RASAL2: variants seen among roughly 807,000 people sequenced by gnomAD.
The protein encoded by RASAL2 is ras GTPase-activating protein nGAP.
Under a neutral mutation model 128.9 loss-of-function variants are expected in RASAL2, and 58 were observed. The ratio of observed to expected loss-of-function variants is 0.45; its 90% confidence interval spans 0.36 to 0.56. RASAL2 has a LOEUF of 0.56. Ranked by LOEUF, RASAL2 falls within the 20% of genes least tolerant of loss-of-function variation. RASAL2 has a pLI of 0.00. For synonymous variants in RASAL2, 561 were observed against 580.8 expected, an observed-to-expected ratio of 0.97 and a Z score of 0.49; for missense variants, 1,360 against 1,601.6, an observed-to-expected ratio of 0.85 and a Z score of 2.57.
chr1:178,176,427 C>G (rs538206240), intron 1 of RASAL2, among the ~76,000 whole-genome samples: 1 of 147,338 alleles, frequency 6.8e-6, no homozygotes, highest in African/African-American at 2.5e-5. Context: ...CTTGCTGATT[C>G]AAGTTGTTTG....
At position 178,262,160 on chromosome 1, in the gene RASAL2, C is replaced by G. The variant is rs1323537219; in HGVS notation, c.203-21404C>G. 2.0e-5 allele frequency among the ~76,000 whole-genome samples: 3 copies of G among 151,338 alleles called. No homozygotes were observed. In the East Asian group the frequency reaches 5.8e-4, roughly 29 times the overall value. ...AGGAATTATTAGCAAAATCAGTATC[C>G]TTTCTCTGCTGAAAACAGTGACTAA... On this transcript the variant is annotated intron_variant, in intron 1 of 17. Coordinates refer to ENST00000367649, the MANE Select transcript of RASAL2 (RefSeq NM_170692.4).
chr1:178,443,250 G>GC, intron 8 of RASAL2, 21 bp downstream of exon 8: 1 of 1,561,242 alleles, frequency 6.4e-7, no homozygotes, highest in Non-Finnish European at 8.8e-7. Flanking sequence ...AAGGGGGATT[G>GC]CAGTACCTGA....
chr1:178,126,317 A>AT (rs1659899295), intron 1 of RASAL2, among the ~76,000 whole-genome samples: 1 of 152,294 alleles, frequency 6.6e-6, no homozygotes, highest in South Asian at 2.1e-4. Flanking sequence ...TATAATGTAT[A>AT]TTTTTTAAGA....
intron 4 of RASAL2, among the ~76,000 whole-genome samples, chr1:178,394,188 T>G (rs1330064350): frequency 6.6e-6 from 1 of 152,230 alleles, no homozygotes; most frequent in Non-Finnish European, 1.5e-5. Flanking sequence ...TATGTATAAA[T>G]TCACAATGTT....
At chr1:178,370,990 A>G (rs1488861208) in intron 3 of RASAL2, among the ~76,000 whole-genome samples, 1 of 152,090 alleles carries the variant, frequency 6.6e-6, no homozygotes, top group Admixed American at 6.5e-5. Flanking sequence ...TGTTTTGCTA[A>G]TACAGGGGAA....
chr1:178,221,525 A>G (rs1292619644), intron 1 of RASAL2, among the ~76,000 whole-genome samples: 1 of 152,112 alleles, frequency 6.6e-6, no homozygotes, highest in Non-Finnish European at 1.5e-5. Context: ...GATAACATGT[A>G]CTTGAAAGTG....
In RASAL2 at chr1:178,362,009, A is replaced by T. The variant is rs77379509; in HGVS notation, c.458-28091A>T. On this transcript the variant is annotated intron_variant, in intron 3 of 17. Transcript: ENST00000367649. ...CTGATGCCACCACTGATCTAACAGGAGGTGGCGCTCTGGCGGTAATGCTTG... is the reference window on the plus strand; with the variant it reads ...CTGATGCCACCACTGATCTAACAGGTGGTGGCGCTCTGGCGGTAATGCTTG... 5.5e-3 allele frequency among the ~76,000 whole-genome samples: 840 copies of T among 152,220 alleles called. 8 individuals are homozygous for T. The highest frequency in any genetic ancestry group is 0.019 in the African/African-American group (788 of 41,528).
chr1:178,281,838 C>A (rs1557874918), intron 1 of RASAL2, among the ~76,000 whole-genome samples: 1 of 152,104 alleles, frequency 6.6e-6, no homozygotes, highest in African/African-American at 2.4e-5. Flanking sequence ...TTGTCCAAAT[C>A]ATGTGAAGAA....
intron 1 of RASAL2, among the ~76,000 whole-genome samples, chr1:178,133,296 T>C (rs1660189415): frequency 6.6e-6 from 1 of 152,164 alleles, no homozygotes; most frequent in African/African-American, 2.4e-5. Context: ...ATAAATATTA[T>C]CATGGCATGA....
At chr1:178,213,177 AG>A (rs1182719067) in intron 1 of RASAL2, among the ~76,000 whole-genome samples, 4 of 152,102 alleles carry the variant, frequency 2.6e-5, no homozygotes, top group Non-Finnish European at 5.9e-5. Flanking sequence ...CTGGGACTAC[AG>A]GTGCATGCTA....
At chr1:178,243,602 C>CAAAAA (rs3041601) in intron 1 of RASAL2, among the ~76,000 whole-genome samples, 3,495 of 121,742 alleles carry the variant, frequency 0.029, 50 homozygotes, top group East Asian at 0.094. Context: ...TTGTTGTTAT[C>CAAAAA]AAAAAAAAAA....
chr1:178,458,724 T>C (rs1230293193), intron 14 of RASAL2, among the ~76,000 whole-genome samples, 180 bp downstream of exon 14: 1 of 152,184 alleles, frequency 6.6e-6, no homozygotes, highest in Non-Finnish European at 1.5e-5. Context: ...CTACAGAATG[T>C]AGTTTGACTC....
In RASAL2 at chr1:178,464,841, T is replaced by G. The variant is rs1176842948; in HGVS notation, c.3387+429T>G. Among the ~76,000 whole-genome samples, 52 of 143,724 alleles carry G rather than the reference T, an allele frequency of 3.6e-4. 1 individual carries two copies. Among genetic ancestry groups the G allele is most frequent in the Non-Finnish European group, 6.3e-4 (42 of 66,224 alleles). The allele number at this position is 143,724 out of a possible 152,430, so 94.3% of individuals were successfully genotyped here. On this transcript the variant is annotated intron_variant, in intron 15 of 17. Coordinates refer to ENST00000367649, the MANE Select transcript of RASAL2 (RefSeq NM_170692.4). ...GTTTTGGTTTTAGTTGTTTTTTTTT[T>G]TTTTTTTTTTTTTTTGCCTTTTCTG...
intron 14 of RASAL2, 66 bp downstream of exon 14, chr1:178,458,610 A>G: frequency 3.4e-6 from 5 of 1,491,370 alleles, no homozygotes; most frequent in Non-Finnish European, 4.5e-6. Context: ...TTCTTTATAC[A>G]TAAATCATTG....
chr1:178,271,954 A>C (rs1051194009), intron 1 of RASAL2, among the ~76,000 whole-genome samples: 1 of 152,144 alleles, frequency 6.6e-6, no homozygotes, highest in Non-Finnish European at 1.5e-5. Flanking sequence ...TCTGTGGTTC[A>C]TTTGTCTGAA....
chr1:178,309,922 G>A (rs1668159285), intron 3 of RASAL2, among the ~76,000 whole-genome samples: 1 of 152,108 alleles, frequency 6.6e-6, no homozygotes, highest in African/African-American at 2.4e-5. Flanking sequence ...TGTTGGGTGT[G>A]GCTAATAACA....
In RASAL2 at chr1:178,416,262, G is replaced by T. The variant is rs572589793; in HGVS notation, c.565-4249G>T. Among the ~76,000 whole-genome samples, 23 of 151,998 alleles carry T rather than the reference G, an allele frequency of 1.5e-4. No individual in the cohort carries two copies. The South Asian group carries it at 4.4e-3, about 29-fold the overall frequency. The stretch of plus-strand genomic sequence containing the variant: ...AAATTTAGTGGTTTCCCTAGAATTT[G>T]CAGTTTTTTAAATGTATAACTAATG... On this transcript the variant is annotated intron_variant, in intron 4 of 17. Transcript: ENST00000367649.
At chr1:178,183,621 A>G (rs1294428800) in intron 1 of RASAL2, among the ~76,000 whole-genome samples, 1 of 152,198 alleles carries the variant, frequency 6.6e-6, no homozygotes, top group Non-Finnish European at 1.5e-5. Flanking sequence ...CCTTTCATGT[A>G]GTAATATGCC....
intron 1 of RASAL2, among the ~76,000 whole-genome samples, chr1:178,180,497 A>AAAAAAAAAAAAAC (rs1662059669): frequency 2.0e-5 from 3 of 150,664 alleles, no homozygotes; most frequent in African/African-American, 7.3e-5. Flanking sequence ...AAAAAAAAAA[A>AAAAAAAAAAAAAC]AAAAAAAAAA....
Sources: gnomAD v4.1 joint callset for allele counts (sites outside exome capture counted in the v4.1 genomes callset) on GRCh38, gnomAD v4.1.1 for gene constraint, MANE v1.5 for transcripts, NCBI Gene and HGNC (gene_info 2026-07-23, HGNC 2026-07-21) for gene names.